CACNA2D1: variants seen among roughly 807,000 people sequenced by gnomAD.
CACNA2D1 encodes the protein voltage-dependent calcium channel subunit alpha-2/delta-1.
CACNA2D1 carries 53 observed loss-of-function variants against 171.5 expected under a neutral mutation model. The observed-to-expected ratio is 0.31, with a 90% CI of 0.25 to 0.39. CACNA2D1 has a LOEUF of 0.39. Ranked by LOEUF, CACNA2D1 falls within the 10% of genes least tolerant of loss-of-function variation. CACNA2D1 has a pLI of 1.00. For missense variants in CACNA2D1, 903 were observed against 1,299.8 expected (o/e 0.69, Z 4.69); for synonymous variants, 442 against 443.1 (o/e 1.00, Z 0.03).
chr7:82,290,615 AGAGG>A (rs1400932848), intron 3 of CACNA2D1, among the ~76,000 whole-genome samples: 2 of 137,788 alleles, frequency 1.5e-5, no homozygotes, highest in Non-Finnish European at 3.1e-5. Flanking sequence ...TTTTTTTTTG[AGAGG>A]GAATTTCGCT....
At chr7:82,244,374 T>C (rs973273420) in intron 3 of CACNA2D1, among the ~76,000 whole-genome samples, 1 of 152,122 alleles carries the variant, frequency 6.6e-6, no homozygotes, top group Non-Finnish European at 1.5e-5. Flanking sequence ...GAAGTGAGCA[T>C]GAAGAAGCAA....
intron 4 of CACNA2D1, among the ~76,000 whole-genome samples, chr7:82,152,162 TATA>T (rs1376100262): frequency 1.3e-5 from 2 of 151,966 alleles, no homozygotes; most frequent in Admixed American, 6.6e-5. Flanking sequence ...TAAGTATTAA[TATA>T]ATAATATGCC....
At chr7:82,346,696 G>GA (rs564757744) in intron 2 of CACNA2D1, among the ~76,000 whole-genome samples, 76 of 147,350 alleles carry the variant, frequency 5.2e-4, no homozygotes, top group Non-Finnish European at 7.4e-4. Context: ...TTTTCTTTTT[G>GA]AAAAAAAAAA....
chr7:82,100,434 G>C (rs1812536598), intron 6 of CACNA2D1, among the ~76,000 whole-genome samples: 1 of 151,906 alleles, frequency 6.6e-6, no homozygotes, highest in Admixed American at 6.6e-5. Flanking sequence ...AGTGTTTTTA[G>C]AGCATAAAGA....
intron 3 of CACNA2D1, among the ~76,000 whole-genome samples, chr7:82,181,827 A>T (rs1024916491): frequency 6.6e-6 from 1 of 152,198 alleles, no homozygotes; most frequent in African/African-American, 2.4e-5. Flanking sequence ...CTCTGAGCCA[A>T]TTAACTTTAA....
chr7:82,094,289 C>T (rs575344558), intron 6 of CACNA2D1, among the ~76,000 whole-genome samples: 8 of 151,878 alleles, frequency 5.3e-5, no homozygotes, highest in South Asian at 4.2e-4. Flanking sequence ...AGATTAATAC[C>T]GAATCATAAT....
chr7:82,261,205 TC>T (rs1320581797), intron 3 of CACNA2D1, among the ~76,000 whole-genome samples: 17 of 152,192 alleles, frequency 1.1e-4, no homozygotes, highest in African/African-American at 4.1e-4. Context: ...TCTGCCCGCC[TC>T]GGCCTCCCAC....
chr7:81,998,852 C>A (rs1273228964), intron 18 of CACNA2D1, among the ~76,000 whole-genome samples: 3 of 151,980 alleles, frequency 2.0e-5, no homozygotes, highest in African/African-American at 7.2e-5. Flanking sequence ...GTTGAAAATT[C>A]TTCTAATTTC....
chr7:82,191,361 A>T (rs1375759882), intron 3 of CACNA2D1, among the ~76,000 whole-genome samples: 3 of 151,920 alleles, frequency 2.0e-5, no homozygotes, highest in South Asian at 4.1e-4. Flanking sequence ...GATTAGTTTA[A>T]AAGATTTTTG....
chr7:82,133,589 T>A (rs1366877024), intron 5 of CACNA2D1, among the ~76,000 whole-genome samples: 2 of 152,172 alleles, frequency 1.3e-5, no homozygotes, highest in African/African-American at 4.8e-5. Context: ...AAAATAAGTT[T>A]AAAACTTTGA....
chr7:82,033,270 T>C (rs1299124028), intron 11 of CACNA2D1, among the ~76,000 whole-genome samples: 2 of 152,024 alleles, frequency 1.3e-5, no homozygotes, highest in African/African-American at 4.8e-5. Context: ...TTATTGTTGG[T>C]ATCCCCCAAC....
intron 5 of CACNA2D1, among the ~76,000 whole-genome samples, chr7:82,133,813 C>T (rs1009628056): frequency 6.6e-6 from 1 of 152,194 alleles, no homozygotes; most frequent in Non-Finnish European, 1.5e-5. Flanking sequence ...TGGCTCACGC[C>T]TGTAATCCCA....
At chr7:82,343,188 T>C (rs1009235367) in intron 2 of CACNA2D1, 1 of 152,202 alleles carries the variant, frequency 6.6e-6, no homozygotes, top group African/African-American at 2.4e-5. Context: ...CTCTATTCTT[T>C]CTATTTGCTG....
intron 3 of CACNA2D1, among the ~76,000 whole-genome samples, chr7:82,232,756 C>T (rs747337659): frequency 3.0e-4 from 44 of 146,922 alleles, no homozygotes; most frequent in Non-Finnish European, 5.1e-4. Flanking sequence ...CCCATCTACT[C>T]GGGAGGCTGA....
chr7:82,149,779 A>C (rs529118375), intron 4 of CACNA2D1, among the ~76,000 whole-genome samples: 25 of 144,344 alleles, frequency 1.7e-4, no homozygotes, highest in Non-Finnish European at 2.3e-4. Context: ...ATACAAAAAA[A>C]AAACAAACAA....
chr7:81,967,741 AG>A, intron 29 of CACNA2D1, 78 bp from the exon 30 acceptor site: 1 of 710,434 alleles, frequency 1.4e-6, no homozygotes. Context: ...TTATTTTGAT[AG>A]CAAGTATCAG....
intron 38 of CACNA2D1, among the ~76,000 whole-genome samples, chr7:81,955,004 T>C (rs1024866746): frequency 6.6e-6 from 1 of 152,194 alleles, no homozygotes; most frequent in Admixed American, 6.6e-5. Context: ...TACCCAATAA[T>C]ATGCTTTATA....
At chr7:82,151,793 C>T (rs895026139) in intron 4 of CACNA2D1, among the ~76,000 whole-genome samples, 7 of 151,918 alleles carry the variant, frequency 4.6e-5, no homozygotes, top group East Asian at 1.9e-4. Context: ...CTTTCTAGCA[C>T]GTAAGAAACT....
intron 3 of CACNA2D1, among the ~76,000 whole-genome samples, chr7:82,230,997 T>C (rs1296822676): frequency 6.6e-6 from 1 of 152,192 alleles, no homozygotes; most frequent in Admixed American, 6.5e-5. Context: ...GGCTCAATGT[T>C]TGTGGAATAA....
Sources: gnomAD v4.1 joint callset for allele counts (sites outside exome capture counted in the v4.1 genomes callset) on GRCh38, gnomAD v4.1.1 for gene constraint, MANE v1.5 for transcripts, NCBI Gene and HGNC (gene_info 2026-07-23, HGNC 2026-07-21) for gene names.